Variants in WDR82 observed in about 807,000 individuals in gnomAD.
The protein encoded by WDR82 is WD repeat domain 82.
In WDR82, 8 loss-of-function variants were observed where a neutral mutation model predicts 36.1. The observed-to-expected ratio is 0.22, with a 90% CI of 0.13 to 0.40. The LOEUF (loss-of-function observed/expected upper bound fraction) is 0.40. Ranked by LOEUF, WDR82 falls within the 10% of genes least tolerant of loss-of-function variation. The pLI, the probability that WDR82 is intolerant of heterozygous loss-of-function variation, is 1.00. For synonymous variants in WDR82, 129 were observed against 137.8 expected, an observed-to-expected ratio of 0.94 and a Z score of 0.45; for missense variants, 185 against 400.5, an observed-to-expected ratio of 0.46 and a Z score of 4.59.
Position 52,259,272 on chromosome 3 carries a change from A to G in WDR82, c.700-6T>C. ...GCTTTGCTGTTGGCATAACCCTAAA[A>G]CAAAACAGAGCAGTTCTTTTGTTCT... On this transcript the variant is annotated splice_region_variant and splice_polypyrimidine_tract_variant and intron_variant, in intron 6 of 8. Transcript: ENST00000296490. 2 of 1,614,028 alleles carry G rather than the reference A, an allele frequency of 1.2e-6. No homozygotes were observed. The highest frequency in any genetic ancestry group is 1.1e-5 in the South Asian group (1 of 91,064).
At chr3:52,259,305 C>T in intron 6 of WDR82, 39 bp from the exon 7 acceptor site, 2 of 1,602,094 alleles carry the variant, frequency 1.2e-6, no homozygotes, top group Non-Finnish European at 1.7e-6. Context: ...TCTTACAGAG[C>T]CATTAATAAA....
At chr3:52,271,591 T>TG (rs1345257393) in intron 1 of WDR82, among the ~76,000 whole-genome samples, 2 of 106,752 alleles carry the variant, frequency 1.9e-5, no homozygotes, top group African/African-American at 5.3e-5. Flanking sequence ...AGCTCTGTGT[T>TG]TTTTTTTTTC....
Position 52,254,958 on chromosome 3 carries a change from T to C in WDR82, c.*2532A>G, listed in dbSNP as rs1284575937. 3.9e-5 allele frequency: 6 copies of C among 152,114 alleles called. No homozygotes were observed. Among genetic ancestry groups the C allele is most frequent in the African/African-American group, 1.4e-4 (6 of 41,472 alleles). The allele number at this position is 152,114 out of a possible 1,614,324, so 9.4% of individuals were successfully genotyped here. A position where few individuals can be genotyped will look rare whatever the true frequency, so the allele number is the denominator to read the frequency against. On this transcript the variant is annotated 3_prime_UTR_variant, in exon 9 of 9. Coordinates refer to ENST00000296490, the MANE Select transcript of WDR82 (RefSeq NM_025222.4). ...AGGTGGCATTTTTTTTTTTTTTTTTTTGAGACGGAGTTTTGCTGTTGTTGC... is the reference window on the plus strand; with the variant it reads ...AGGTGGCATTTTTTTTTTTTTTTTTCTGAGACGGAGTTTTGCTGTTGTTGC...
Position 52,278,537 on chromosome 3 carries a change from T to G in WDR82, c.-176A>C. On this transcript the variant is annotated 5_prime_UTR_variant, in exon 1 of 9. Transcript: ENST00000296490. ...TCTTCCTGCTTGGTCGAGGGTCTTC[T>G]GCCTGGACTGTGGAGCCTCGCCGAC... 1 of 495,396 alleles carries G rather than the reference T, an allele frequency of 2.0e-6. No individual in the cohort carries two copies. The highest frequency in any genetic ancestry group is 3.5e-5 in the East Asian group (1 of 28,328). 30.7% of individuals were successfully genotyped at this position (495,396 alleles called of 1,614,324 possible). A position where few individuals can be genotyped will look rare whatever the true frequency, so the allele number is the denominator to read the frequency against.
chr3:52,260,870 G>A (rs6787806), intron 4 of WDR82, among the ~76,000 whole-genome samples: 1,788 of 152,326 alleles, frequency 0.012, 36 homozygotes, highest in African/African-American at 0.041. Flanking sequence ...AGTGGCTCAC[G>A]CCTATAATCC....
chr3:52,257,311 C>T lies in WDR82; in HGVS notation c.*179G>A, dbSNP rs764581752. The stretch of plus-strand genomic sequence containing the variant: ...GTTGCACCAAGAGTCCTTTTGAAGA[C>T]GCTCATCAAAGTAATTATTTTCTTT... On this transcript the variant is annotated 3_prime_UTR_variant, in exon 9 of 9. Transcript: ENST00000296490. 42 of 766,312 alleles carry T rather than the reference C, an allele frequency of 5.5e-5. No homozygotes were observed. The highest frequency in any genetic ancestry group is 4.4e-4 in the African/African-American group (25 of 56,828). The allele number at this position is 766,312 out of a possible 1,614,324, so 47.5% of individuals were successfully genotyped here.
chr3:52,254,661 A>C lies in WDR82; in HGVS notation c.*2829T>G, dbSNP rs962844680. The stretch of plus-strand genomic sequence containing the variant: ...TCCTTAATAAGCAGTAATTATAATT[A>C]CAACGGGAAATAATTTCTTTAAGTA... On this transcript the variant is annotated 3_prime_UTR_variant, in exon 9 of 9. Coordinates refer to ENST00000296490, the MANE Select transcript of WDR82 (RefSeq NM_025222.4). 1 of 152,610 alleles carries C rather than the reference A, an allele frequency of 6.6e-6. No individual in the cohort carries two copies. Among genetic ancestry groups the C allele is most frequent in the African/African-American group, 2.4e-5 (1 of 41,464 alleles). The allele number at this position is 152,610 out of a possible 1,614,324, so 9.5% of individuals were successfully genotyped here. A position where few individuals can be genotyped will look rare whatever the true frequency, so the allele number is the denominator to read the frequency against.
intron 4 of WDR82, among the ~76,000 whole-genome samples, 191 bp from the exon 5 acceptor site, chr3:52,260,692 A>C (rs191136640): frequency 4.0e-4 from 61 of 152,336 alleles, no homozygotes; most frequent in Non-Finnish European, 6.8e-4. Flanking sequence ...AACACACACA[A>C]AAAAAACATA....
intron 7 of WDR82, 104 bp downstream of exon 7, chr3:52,259,093 A>G: frequency 1.6e-6 from 2 of 1,289,740 alleles, no homozygotes; most frequent in South Asian, 1.3e-5. Context: ...ACAGAAATCT[A>G]AGAACATCTA....
intron 1 of WDR82, 96 bp from the exon 2 acceptor site, chr3:52,270,905 G>T: frequency 1.1e-6 from 1 of 910,106 alleles, no homozygotes; most frequent in Non-Finnish European, 1.6e-6. Context: ...ATGTGGCAAA[G>T]GTGAGGATTT....
chr3:52,258,653 G>A lies in WDR82; in HGVS notation c.795C>T (p.Val265=), dbSNP rs752968728. The A allele has an allele frequency of 3.1e-6, 5 of 1,614,204 alleles. No individual in the cohort carries two copies. The highest frequency in any genetic ancestry group is 3.4e-6 in the Non-Finnish European group (4 of 1,180,036). Residue 265 remains valine (V), a synonymous_variant, in exon 8 of 9, where the codon GTC becomes GTT. Transcript: ENST00000296490. ...MIGSEDGKIH[V]WNGESGIKVA... ...CTTTTATACCGCTCTCTCCATTCCA[G>A]ACATGGATCTTGCCATCCTCTGAAC...
rs1269370878 is a variant in WDR82 at position 52,255,365 on chromosome 3, A to G, written c.*2125T>C. The G allele has an allele frequency of 6.6e-6, 1 of 152,154 alleles. No homozygotes were observed. The highest frequency in any genetic ancestry group is 1.5e-5 in the Non-Finnish European group (1 of 68,024). 9.4% of individuals were successfully genotyped at this position (152,154 alleles called of 1,614,324 possible). On this transcript the variant is annotated 3_prime_UTR_variant, in exon 9 of 9. Transcript: ENST00000296490. ...GCTCTGGTTGCAGATATGTGAAGTT[A>G]GGTAGCCTTTCCTGTTAACCCATGG... is the stretch of plus-strand genomic sequence containing the variant.
chr3:52,258,257 C>T (rs1360339553), intron 8 of WDR82, among the ~76,000 whole-genome samples: 4 of 152,110 alleles, frequency 2.6e-5, no homozygotes, highest in Non-Finnish European at 5.9e-5. Flanking sequence ...TAGTTTGGAC[C>T]TAAAATTAGG....
intron 7 of WDR82, 114 bp from the exon 8 acceptor site, chr3:52,258,792 A>G (rs952516729): frequency 1.4e-6 from 2 of 1,456,966 alleles, no homozygotes; most frequent in Non-Finnish European, 1.9e-6. Context: ...CCCATCCCTC[A>G]GGCAAAATTG....
intron 3 of WDR82, among the ~76,000 whole-genome samples, chr3:52,265,090 C>A (rs907697530): frequency 6.6e-6 from 1 of 151,654 alleles, no homozygotes; most frequent in African/African-American, 2.4e-5. Context: ...CTGAGGCGGG[C>A]GGATCAGGGA....
In WDR82 at chr3:52,261,257, G is replaced by A. The variant is rs1700059009; in HGVS notation, c.426+123C>T. 3.6e-6 allele frequency: 3 copies of A among 838,664 alleles called. No individual in the cohort carries two copies. The South Asian group carries it at 5.8e-5, about 16-fold the overall frequency. 52.0% of individuals were successfully genotyped at this position (838,664 alleles called of 1,614,324 possible). On this transcript the variant is annotated intron_variant, in intron 4 of 8. Coordinates refer to ENST00000296490, the MANE Select transcript of WDR82 (RefSeq NM_025222.4). Reference sequence around the variant, plus strand: ...ACTAAAAAAACAGATTTTCTCCAAAGTTTAAAAAGACCCTGTGATCCCAGA... The same window carrying A: ...ACTAAAAAAACAGATTTTCTCCAAAATTTAAAAAGACCCTGTGATCCCAGA...
intron 2 of WDR82, among the ~76,000 whole-genome samples, chr3:52,270,221 G>C (rs1700141346): frequency 6.6e-6 from 1 of 152,206 alleles, no homozygotes; most frequent in East Asian, 1.9e-4. Flanking sequence ...CCGGGTTCAA[G>C]AGATTCTCCT....
rs547628530 is a variant in WDR82, at chr3:52,254,674, ATTTC to A, written c.*2812_*2815del. 34 of 152,610 alleles carry A rather than the reference ATTTC, an allele frequency of 2.2e-4. No homozygotes were observed. The highest frequency in any genetic ancestry group is 3.9e-4 in the East Asian group (2 of 5,178). The allele number at this position is 152,610 out of a possible 1,614,324, so 9.5% of individuals were successfully genotyped here. A position where few individuals can be genotyped will look rare whatever the true frequency, so the allele number is the denominator to read the frequency against. Reference sequence around the variant, plus strand: ...GTAATTATAATTACAACGGGAAATAATTTCTTTAAGTACCCAGTGCAGTGTCACT... The same window carrying A: ...GTAATTATAATTACAACGGGAAATAATTTAAGTACCCAGTGCAGTGTCACT... On this transcript the variant is annotated 3_prime_UTR_variant, in exon 9 of 9. Transcript: ENST00000296490.
intron 7 of WDR82, 135 bp from the exon 8 acceptor site, chr3:52,258,813 G>T: frequency 7.9e-7 from 1 of 1,270,842 alleles, no homozygotes; most frequent in Non-Finnish European, 1.1e-6. Context: ...AGAGGGAGGA[G>T]AGGCAGTGAA....
Sources: gnomAD v4.1 joint callset for allele counts (sites outside exome capture counted in the v4.1 genomes callset) on GRCh38, gnomAD v4.1.1 for gene constraint, MANE v1.5 for transcripts, NCBI Gene and HGNC (gene_info 2026-07-23, HGNC 2026-07-21) for gene names.